VPS13B: variants seen among roughly 807,000 people sequenced by gnomAD.
The protein encoded by VPS13B is intermembrane lipid transfer protein VPS13B.
VPS13B carries 285 observed loss-of-function variants against 426.4 expected under a neutral mutation model. That is an observed-to-expected ratio of 0.67 (90% CI 0.61 to 0.74). The LOEUF (loss-of-function observed/expected upper bound fraction) is 0.74, where lower values mean the gene tolerates loss of function less well. Ranked by LOEUF, VPS13B falls within the 30% of genes least tolerant of loss-of-function variation. VPS13B has a pLI of 0.00. For synonymous variants in VPS13B, 1,676 were observed against 1,676.4 expected (o/e 1.00, Z 0.01); for missense variants, 4,537 against 4,782.6 (o/e 0.95, Z 1.51).
At chr8:99,284,671 C>T (rs887478377) in intron 19 of VPS13B, among the ~76,000 whole-genome samples, 2 of 151,970 alleles carry the variant, frequency 1.3e-5, no homozygotes, top group Non-Finnish European at 2.9e-5. Flanking sequence ...CTCCCTCAGT[C>T]TCCTGAATAG....
chr8:99,360,833 G>A (rs1812519380), intron 19 of VPS13B, among the ~76,000 whole-genome samples: 1 of 151,892 alleles, frequency 6.6e-6, no homozygotes, highest in Non-Finnish European at 1.5e-5. Context: ...TTTTCAAAAG[G>A]TTTTCTTGGG....
At chr8:99,815,468 G>A (rs1341971569) in intron 44 of VPS13B, among the ~76,000 whole-genome samples, 2 of 152,082 alleles carry the variant, frequency 1.3e-5, no homozygotes, top group Admixed American at 1.3e-4. Context: ...GTTAGATGAA[G>A]CCCACCCATG....
chr8:99,814,151 T>C (rs1012379721), intron 44 of VPS13B, among the ~76,000 whole-genome samples: 1 of 152,116 alleles, frequency 6.6e-6, no homozygotes, highest in African/African-American at 2.4e-5. Flanking sequence ...AAAATAGTGA[T>C]AATAATAATA....
rs551705606 is a variant in VPS13B at position 99,574,238 on chromosome 8, G to A, written c.4950-1420G>A. 8.4e-4 allele frequency among the ~76,000 whole-genome samples: 128 copies of A among 152,188 alleles called. 1 individual carries two copies. Among genetic ancestry groups the A allele is most frequent in the Non-Finnish European group, 1.4e-3 (94 of 68,006 alleles). ...GGTTTTCTAAATATACAATCATGTC[G>A]TCTGCAAACGGGGACAATATGACTT... On this transcript the variant is annotated intron_variant, in intron 31 of 61. Transcript: ENST00000357162.
intron 19 of VPS13B, among the ~76,000 whole-genome samples, chr8:99,307,654 C>CT (rs1374858618): frequency 1.3e-5 from 2 of 152,048 alleles, no homozygotes; most frequent in African/African-American, 4.8e-5. Context: ...TGGGTCTTAT[C>CT]TCTTTTTTGA....
intron 20 of VPS13B, among the ~76,000 whole-genome samples, chr8:99,387,225 TC>T (rs1296074964): frequency 2.0e-5 from 3 of 152,124 alleles, no homozygotes; most frequent in Non-Finnish European, 4.4e-5. Flanking sequence ...TTTTCCTTTT[TC>T]TTTTTTTTCC....
chr8:99,323,783 G>C (rs1810104540), intron 19 of VPS13B, among the ~76,000 whole-genome samples: 1 of 152,124 alleles, frequency 6.6e-6, no homozygotes, highest in Non-Finnish European at 1.5e-5. Flanking sequence ...CTTGCATTTT[G>C]ATTAATCTTG....
At chr8:99,810,038 T>G (rs1813617311) in intron 44 of VPS13B, among the ~76,000 whole-genome samples, 1 of 152,180 alleles carries the variant, frequency 6.6e-6, no homozygotes, top group African/African-American at 2.4e-5. Context: ...CAGTAAAAAT[T>G]CACTGCAGCC....
chr8:99,333,885 G>A (rs1200115276), intron 19 of VPS13B, among the ~76,000 whole-genome samples: 1 of 151,924 alleles, frequency 6.6e-6, no homozygotes. Flanking sequence ...CGTTTGTCTT[G>A]TGTATATCGG....
intron 17 of VPS13B, among the ~76,000 whole-genome samples, chr8:99,197,983 G>A (rs546866115): frequency 5.9e-5 from 9 of 152,166 alleles, no homozygotes; most frequent in Non-Finnish European, 8.8e-5. Flanking sequence ...CAAAAAACAC[G>A]ATTACATTTG....
At chr8:99,766,730 T>G in intron 39 of VPS13B, 44 bp from the exon 40 acceptor site, 1 of 1,496,456 alleles carries the variant, frequency 6.7e-7, no homozygotes, top group Non-Finnish European at 9.2e-7. Flanking sequence ...TATAAAAGCA[T>G]AGTTTCTATT....
chr8:99,743,310 A>G (rs1298459912), intron 39 of VPS13B, among the ~76,000 whole-genome samples: 1 of 152,062 alleles, frequency 6.6e-6, no homozygotes, highest in Non-Finnish European at 1.5e-5. Flanking sequence ...CCACTGCTCA[A>G]TGAAATAAAA....
chr8:99,450,717 GAA>G (rs869190466), intron 23 of VPS13B, among the ~76,000 whole-genome samples: 1 of 151,342 alleles, frequency 6.6e-6, no homozygotes, highest in Non-Finnish European at 1.5e-5. Context: ...GTCTTAAAAA[GAA>G]AAAAAAATTT....
chr8:99,191,637 C>T (rs1813599994), intron 16 of VPS13B, among the ~76,000 whole-genome samples: 1 of 151,982 alleles, frequency 6.6e-6, no homozygotes, highest in Non-Finnish European at 1.5e-5. Flanking sequence ...CCGCCTCGGC[C>T]TCCCAGAGTG....
intron 3 of VPS13B, among the ~76,000 whole-genome samples, chr8:99,078,033 G>GT (rs1021650970): frequency 2.0e-5 from 3 of 150,678 alleles, no homozygotes; most frequent in Admixed American, 6.6e-5. Flanking sequence ...TTGTTTGGTT[G>GT]TTTTTTTAAT....
At chr8:99,489,543 C>T (rs1005410847) in intron 25 of VPS13B, among the ~76,000 whole-genome samples, 2 of 151,916 alleles carry the variant, frequency 1.3e-5, no homozygotes, top group East Asian at 1.9e-4. Flanking sequence ...GAATATAGAA[C>T]GCTTTTCCAT....
Position 99,155,210 on chromosome 8 carries a change from A to G in VPS13B, c.2014-1339A>G, listed in dbSNP as rs147743067. Among the ~76,000 whole-genome samples the G allele has an allele frequency of 7.5e-4, 115 of 152,326 alleles. 2 individuals are homozygous for G. In the East Asian group the frequency reaches 0.019, roughly 25 times the overall value. On this transcript the variant is annotated intron_variant, in intron 14 of 61. Coordinates refer to ENST00000357162, the MANE Select transcript of VPS13B (RefSeq NM_152564.5). ...TGGCTATTTTACTAAGAGATAAAGT[A>G]GATTTTAAGCTAAGAAATATTACTG...
At chr8:99,353,158 A>G (rs1811988864) in intron 19 of VPS13B, among the ~76,000 whole-genome samples, 1 of 151,548 alleles carries the variant, frequency 6.6e-6, no homozygotes, top group African/African-American at 2.4e-5. Flanking sequence ...ATTTTTTCAT[A>G]TTTTTAATAG....
chr8:99,413,960 G>T (rs535898319), intron 21 of VPS13B, among the ~76,000 whole-genome samples: 1 of 152,330 alleles, frequency 6.6e-6, no homozygotes, highest in African/African-American at 2.4e-5. Context: ...GTCCAGAGCT[G>T]AGTTCAAGTC....
Sources: allele counts gnomAD v4.1 joint callset (sites outside exome capture counted in the v4.1 genomes callset), GRCh38; gene constraint gnomAD v4.1.1; transcripts MANE v1.5; gene names NCBI Gene and HGNC (gene_info 2026-07-23, HGNC 2026-07-21).